FOCAD: variants seen among roughly 807,000 people sequenced by gnomAD.
FOCAD encodes focadhesin.
In FOCAD, 198 loss-of-function variants were observed where a neutral mutation model predicts 225.6. The ratio of observed to expected loss-of-function variants is 0.88; its 90% confidence interval spans 0.78 to 0.99. The LOEUF (loss-of-function observed/expected upper bound fraction) is 0.99, where lower values mean the gene tolerates loss of function less well. Ranked by LOEUF, FOCAD falls within the 50% of genes least tolerant of loss-of-function variation. The pLI is 0.00. For missense variants in FOCAD, 2,713 were observed against 2,123.6 expected, an observed-to-expected ratio of 1.28 and a Z score of -5.46; for synonymous variants, 897 against 755.0, an observed-to-expected ratio of 1.19 and a Z score of -3.08.
chr9:20,844,446 T>A (rs1372318534), intron 15 of FOCAD, among the ~76,000 whole-genome samples: 1 of 133,792 alleles, frequency 7.5e-6, no homozygotes, highest in African/African-American at 2.8e-5. Context: ...CTGCAACCTC[T>A]GCCTCCCAAG....
chr9:20,839,598 A>C (rs1432946743), intron 15 of FOCAD, among the ~76,000 whole-genome samples: 2 of 151,412 alleles, frequency 1.3e-5, no homozygotes, highest in Non-Finnish European at 2.9e-5. Flanking sequence ...CTTAAGCACA[A>C]CTCCACACAA....
chr9:20,717,673 CTTAGTTAATGGGAATT>C (rs1345930509), intron 2 of FOCAD, 105 bp from the exon 3 acceptor site: 6 of 712,204 alleles, frequency 8.4e-6, no homozygotes, highest in Admixed American at 4.9e-5. Flanking sequence ...ATAGCACACA[CTTAGTTAATGGGAATT>C]TTACTTAATC....
At chr9:20,665,612 G>T (rs772688514) in intron 2 of FOCAD, among the ~76,000 whole-genome samples, 4 of 152,192 alleles carry the variant, frequency 2.6e-5, no homozygotes, top group Non-Finnish European at 5.9e-5. Flanking sequence ...TTGGTGAAAA[G>T]TGTGACAGCA....
At chr9:20,794,543 C>T (rs1202692719) in intron 11 of FOCAD, among the ~76,000 whole-genome samples, 2 of 152,128 alleles carry the variant, frequency 1.3e-5, no homozygotes, top group Non-Finnish European at 2.9e-5. Flanking sequence ...CACCAGAAAA[C>T]TCTTTCCCTG....
chr9:20,794,601 C>T (rs917598638), intron 11 of FOCAD, among the ~76,000 whole-genome samples: 2 of 152,108 alleles, frequency 1.3e-5, no homozygotes, highest in Non-Finnish European at 2.9e-5. Flanking sequence ...CGTCTGAAAG[C>T]TAAGCAGCAC....
intron 11 of FOCAD, among the ~76,000 whole-genome samples, chr9:20,807,833 C>CGAGGCCAGGAGTT (rs989066205): frequency 6.6e-6 from 1 of 152,084 alleles, no homozygotes; most frequent in Non-Finnish European, 1.5e-5. Context: ...GCGGATCACT[C>CGAGGCCAGGAGTT]GAGGCCAGGA....
intron 5 of FOCAD, among the ~76,000 whole-genome samples, chr9:20,751,250 G>A (rs1019793020): frequency 1.4e-4 from 21 of 148,410 alleles, no homozygotes; most frequent in Non-Finnish European, 1.0e-4. Context: ...ATGCTGGTGC[G>A]CTGCACCCAC....
At chr9:20,971,652 T>C (rs757275750) in intron 35 of FOCAD, among the ~76,000 whole-genome samples, 12 of 152,090 alleles carry the variant, frequency 7.9e-5, no homozygotes, top group Non-Finnish European at 1.3e-4. Context: ...CTCCATTCAA[T>C]AGTGTTAATG....
At chr9:20,966,736 A>T (rs1374787626) in intron 35 of FOCAD, among the ~76,000 whole-genome samples, 1 of 152,032 alleles carries the variant, frequency 6.6e-6, no homozygotes, top group African/African-American at 2.4e-5. Flanking sequence ...GCATGTGAGT[A>T]TCTAGTTGTC....
intron 39 of FOCAD, among the ~76,000 whole-genome samples, chr9:20,984,070 T>A (rs1840945332): frequency 6.6e-6 from 1 of 152,204 alleles, no homozygotes; most frequent in East Asian, 1.9e-4. Flanking sequence ...TGTTCTGATG[T>A]CCCCAAAAGA....
At chr9:20,885,992 A>T (rs1831073934) in intron 21 of FOCAD, among the ~76,000 whole-genome samples, 1 of 152,200 alleles carries the variant, frequency 6.6e-6, no homozygotes, top group African/African-American at 2.4e-5. Flanking sequence ...AATAATTAGC[A>T]TTTCTAAAAT....
chr9:20,753,274 C>G (rs1410406637), intron 5 of FOCAD, among the ~76,000 whole-genome samples: 1 of 151,660 alleles, frequency 6.6e-6, no homozygotes, highest in Non-Finnish European at 1.5e-5. Context: ...TTTGCCCATT[C>G]AGTATGATAT....
chr9:20,703,776 A>G (rs1452930226), intron 1 of FOCAD, among the ~76,000 whole-genome samples: 1 of 152,162 alleles, frequency 6.6e-6, no homozygotes, highest in Non-Finnish European at 1.5e-5. Context: ...GGAAGCACAC[A>G]TTTCTACAGT....
chr9:20,964,194 C>T (rs916439101), intron 35 of FOCAD, among the ~76,000 whole-genome samples: 1 of 151,830 alleles, frequency 6.6e-6, no homozygotes. Flanking sequence ...GGTGAAACCC[C>T]GTCTATACAG....
intron 1 of FOCAD, among the ~76,000 whole-genome samples, chr9:20,708,390 A>G (rs1336493456): frequency 6.6e-6 from 1 of 152,206 alleles, no homozygotes; most frequent in Non-Finnish European, 1.5e-5. Flanking sequence ...CATAGAGCCC[A>G]TTAATGTGAA....
chr9:20,705,003 A>C (rs1426450626), intron 1 of FOCAD, among the ~76,000 whole-genome samples: 2 of 152,196 alleles, frequency 1.3e-5, no homozygotes, highest in African/African-American at 4.8e-5. Flanking sequence ...CTTAGGTTGG[A>C]ATTCCAGTTC....
intron 15 of FOCAD, among the ~76,000 whole-genome samples, chr9:20,852,404 A>AT (rs1827746111): frequency 1.5e-5 from 2 of 134,626 alleles, no homozygotes; most frequent in South Asian, 2.3e-4. Context: ...TAAAAGACTG[A>AT]TTTTCCCTAT....
intron 21 of FOCAD, among the ~76,000 whole-genome samples, chr9:20,901,886 A>C (rs1832594880): frequency 7.3e-6 from 1 of 137,400 alleles, no homozygotes; most frequent in Non-Finnish European, 1.6e-5. Context: ...TCCTGGCTAG[A>C]ACATTTTAGA....
intron 28 of FOCAD, among the ~76,000 whole-genome samples, chr9:20,940,422 C>A (rs1005962839): frequency 4.0e-5 from 6 of 151,844 alleles, no homozygotes; most frequent in African/African-American, 1.5e-4. Context: ...GTAGCTGGTA[C>A]TACAGGCATA....
Sources: allele counts gnomAD v4.1 joint callset (sites outside exome capture counted in the v4.1 genomes callset), GRCh38; gene constraint gnomAD v4.1.1; transcripts MANE v1.5; gene names NCBI Gene and HGNC (gene_info 2026-07-23, HGNC 2026-07-21).